Variants in PGBD2 observed in about 807,000 individuals in gnomAD.
The protein encoded by PGBD2 is piggyBac transposable element-derived protein 2.
PGBD2 carries 6 observed loss-of-function variants against 8.1 expected under a neutral mutation model. The observed-to-expected ratio is 0.74, with a 90% CI of 0.40 to 1.46. PGBD2 has a LOEUF of 1.46. PGBD2 is among the 40% of genes most tolerant of loss of function. The pLI is 0.02. For missense variants in PGBD2, 802 were observed against 739.0 expected (o/e 1.09, Z -0.99); for synonymous variants, 318 against 272.2 (o/e 1.17, Z -1.66).
At chr1:248,899,315 C>A in the PGBD2 span, among the ~76,000 whole-genome samples, 1 of 152,276 alleles carries the variant, frequency 6.6e-6, no homozygotes, top group African/African-American at 2.4e-5. Flanking sequence ...TTCTCATCAC[C>A]ACAAAGAACT....
intron 2 of PGBD2, 148 bp downstream of exon 2, chr1:248,914,027 A>C: frequency 2.6e-6 from 2 of 774,624 alleles, no homozygotes. Flanking sequence ...AGGAGATGGG[A>C]GAAGAATGGG....
chr1:248,912,693 A>C (rs1368139393), intron 1 of PGBD2: 6 of 152,166 alleles, frequency 3.9e-5, no homozygotes, highest in African/African-American at 1.2e-4. Flanking sequence ...TTTTTTTTTA[A>C]ATATGGAACA....
downstream of PGBD2, among the ~76,000 whole-genome samples, chr1:248,922,874 G>T (rs1245029644): frequency 6.6e-6 from 1 of 152,162 alleles, no homozygotes; most frequent in Non-Finnish European, 1.5e-5. Context: ...TTTTGTTGAG[G>T]ATTTTTGCGT....
At chr1:248,913,443 T>A (rs1420903802) in intron 1 of PGBD2, among the ~76,000 whole-genome samples, 2 of 152,230 alleles carry the variant, frequency 1.3e-5, no homozygotes, top group Non-Finnish European at 2.9e-5. Flanking sequence ...ATATATTCAT[T>A]TCCCAGTTGG....
At chr1:248,894,237 A>G in the PGBD2 span, among the ~76,000 whole-genome samples, 5 of 151,890 alleles carry the variant, frequency 3.3e-5, no homozygotes, top group African/African-American at 1.2e-4. Flanking sequence ...GTAATGCTGA[A>G]ACTTTTTAGT....
downstream of PGBD2, among the ~76,000 whole-genome samples, chr1:248,920,642 C>T (rs1252223445): frequency 2.0e-5 from 3 of 152,100 alleles, no homozygotes; most frequent in African/African-American, 7.2e-5. Context: ...GATTTATAAT[C>T]CTTTGGGTAT....
the PGBD2 span, among the ~76,000 whole-genome samples, chr1:248,924,953 A>G: frequency 6.6e-6 from 1 of 152,218 alleles, no homozygotes; most frequent in East Asian, 1.9e-4. Flanking sequence ...CTATAAAAAA[A>G]GTGAAAGATG....
chr1:248,907,300 G>A lies in PGBD2; in HGVS notation c.-48+958G>A, dbSNP rs183813479. ...TAAAGAATAACAGGGCAGCATTGCT[G>A]CCAACATGTCTTGCCTCCTGCCATA... On this transcript the variant is annotated intron_variant, in intron 1 of 2. Coordinates refer to ENST00000329291, the MANE Select transcript of PGBD2 (RefSeq NM_170725.3). 4.1e-4 allele frequency among the ~76,000 whole-genome samples: 62 copies of A among 152,352 alleles called. 1 individual carries two copies. The highest frequency in any genetic ancestry group is 1.6e-3 in the Admixed American group (24 of 15,302).
chr1:248,875,396 G>GC, the PGBD2 span, among the ~76,000 whole-genome samples: 1 of 150,686 alleles, frequency 6.6e-6, no homozygotes, highest in African/African-American at 2.4e-5. Context: ...TCACAGATAT[G>GC]CCATTACTCC....
the PGBD2 span, among the ~76,000 whole-genome samples, chr1:248,884,549 A>G: frequency 1.3e-5 from 2 of 152,042 alleles, no homozygotes; most frequent in African/African-American, 4.8e-5. Context: ...GTTTCACCCT[A>G]TCAGCCAGGA....
upstream of PGBD2, among the ~76,000 whole-genome samples, chr1:248,905,436 C>T (rs1558282868): frequency 6.6e-6 from 1 of 152,204 alleles, no homozygotes; most frequent in East Asian, 1.9e-4. Context: ...CTTATAGAGC[C>T]GTGATTCTCA....
At chr1:248,885,535 G>A in the PGBD2 span, among the ~76,000 whole-genome samples, 3 of 152,152 alleles carry the variant, frequency 2.0e-5, no homozygotes, top group Non-Finnish European at 4.4e-5. Flanking sequence ...TCAAAACCCA[G>A]TCTTGGTTCA....
intron 1 of PGBD2, among the ~76,000 whole-genome samples, chr1:248,906,990 A>G (rs1476089271): frequency 1.3e-5 from 2 of 152,062 alleles, no homozygotes; most frequent in African/African-American, 4.8e-5. Flanking sequence ...AAGAAATAAG[A>G]CACAGAGACA....
At chr1:248,921,095 G>A (rs6672368), downstream of PGBD2, among the ~76,000 whole-genome samples, 2 of 151,962 alleles carry the variant, frequency 1.3e-5, no homozygotes, top group Admixed American at 6.6e-5. Context: ...TAGGTTGCCT[G>A]TTCAGTCTGA....
the PGBD2 span, among the ~76,000 whole-genome samples, chr1:248,900,097 C>CAAAA: frequency 1.4e-4 from 7 of 49,444 alleles, no homozygotes; most frequent in South Asian, 7.1e-4. Context: ...AATAGCCTAC[C>CAAAA]AAAAAAAAAA....
At chr1:248,904,728 T>A (rs1661590322), upstream of PGBD2, among the ~76,000 whole-genome samples, 1 of 152,232 alleles carries the variant, frequency 6.6e-6, no homozygotes, top group Non-Finnish European at 1.5e-5. Context: ...CTCTTCATAT[T>A]CTTTGGCTTT....
At chr1:248,889,580 C>T in the PGBD2 span, among the ~76,000 whole-genome samples, 2 of 152,104 alleles carry the variant, frequency 1.3e-5, no homozygotes. Context: ...AAGGAAATCA[C>T]TTATCTTCTA....
At chr1:248,895,044 A>G in the PGBD2 span, among the ~76,000 whole-genome samples, 1 of 152,084 alleles carries the variant, frequency 6.6e-6, no homozygotes, top group Non-Finnish European at 1.5e-5. Flanking sequence ...GTCTCAAGCT[A>G]TCCTCCCAAC....
Position 248,908,876 on chromosome 1 carries a change from G to A in PGBD2, c.-48+2534G>A, listed in dbSNP as rs548320114. Among the ~76,000 whole-genome samples the A allele has an allele frequency of 7.2e-5, 11 of 152,124 alleles. No homozygotes were observed. The South Asian group carries it at 2.3e-3, about 32-fold the overall frequency. ...CTATTCCCTGCCTGCTGAGGGAATT[G>A]TTACTCTTTCTGCAGCTCTCCATCA... is the stretch of plus-strand genomic sequence containing the variant. On this transcript the variant is annotated intron_variant, in intron 1 of 2. Transcript: ENST00000329291.
Sources: gnomAD v4.1 joint callset for allele counts (sites outside exome capture counted in the v4.1 genomes callset) on GRCh38, gnomAD v4.1.1 for gene constraint, MANE v1.5 for transcripts, NCBI Gene and HGNC (gene_info 2026-07-23, HGNC 2026-07-21) for gene names.